Variants in SPAG16 observed in about 807,000 individuals in gnomAD.
SPAG16 encodes sperm associated antigen 16, also known as sperm-associated antigen 16 protein.
Under a neutral mutation model 80.4 loss-of-function variants are expected in SPAG16, and 86 were observed. The ratio of observed to expected loss-of-function variants is 1.07; its 90% CI spans 0.90 to 1.28. SPAG16 has a LOEUF of 1.28. Among genes scored for constraint, SPAG16 ranks in the 50% most tolerant of loss-of-function variants. SPAG16 has a pLI of 0.00. For missense variants in SPAG16, 870 were observed against 765.3 expected, an observed-to-expected ratio of 1.14 and a Z score of -1.61; for synonymous variants, 294 against 265.9, an observed-to-expected ratio of 1.11 and a Z score of -1.03.
intron 9 of SPAG16, among the ~76,000 whole-genome samples, chr2:213,432,444 G>A (rs931040837): frequency 1.3e-5 from 2 of 151,898 alleles, no homozygotes; most frequent in Non-Finnish European, 2.9e-5. Context: ...AAAGATCACC[G>A]GAGACAACCA....
chr2:213,621,554 AGAGG>A (rs1443587951), intron 10 of SPAG16, among the ~76,000 whole-genome samples: 5 of 152,174 alleles, frequency 3.3e-5, no homozygotes, highest in African/African-American at 1.2e-4. Context: ...AAGGGTTGAT[AGAGG>A]GAGATAGGAA....
chr2:214,280,141 T>C (rs747048885), intron 15 of SPAG16, among the ~76,000 whole-genome samples: 10 of 152,126 alleles, frequency 6.6e-5, no homozygotes, highest in Non-Finnish European at 1.5e-5. Context: ...CAAATAGAGA[T>C]GATGTCGGTA....
intron 10 of SPAG16, among the ~76,000 whole-genome samples, chr2:213,680,165 G>A (rs755510971): frequency 1.3e-5 from 2 of 152,164 alleles, no homozygotes; most frequent in Admixed American, 6.5e-5. Flanking sequence ...ATGGGAGGAT[G>A]TGGTTGGCTT....
At chr2:214,057,178 C>CTTTTTTTT (rs36181178) in intron 13 of SPAG16, among the ~76,000 whole-genome samples, 1 of 144,540 alleles carries the variant, frequency 6.9e-6, no homozygotes. Flanking sequence ...TTTCAGTTTA[C>CTTTTTTTT]TTTTTTTTTT....
Position 213,323,422 on chromosome 2 carries a change from C to G in SPAG16, c.536+6066C>G, listed in dbSNP as rs149182596. Among the ~76,000 whole-genome samples the G allele has an allele frequency of 1.3e-3, 191 of 143,502 alleles. 4 individuals carry two copies. In the East Asian group the frequency reaches 0.029, roughly 21 times the overall value. 94.1% of individuals were successfully genotyped at this position (143,502 alleles called of 152,430 possible). The stretch of plus-strand genomic sequence containing the variant: ...TGCCACTGCACTCCAGCCTAGGCGA[C>G]AGAGCAAGACTCCGTCTCAAAAAAA... On this transcript the variant is annotated intron_variant, in intron 5 of 15. Coordinates refer to ENST00000331683, the MANE Select transcript of SPAG16 (RefSeq NM_024532.5).
chr2:214,227,008 T>C (rs1309199686), intron 15 of SPAG16, among the ~76,000 whole-genome samples: 1 of 152,130 alleles, frequency 6.6e-6, no homozygotes, highest in Admixed American at 6.6e-5. Context: ...CTCAAAGGCA[T>C]GACAATGTAC....
At chr2:213,772,139 C>T (rs1284254235) in intron 10 of SPAG16, among the ~76,000 whole-genome samples, 3 of 152,140 alleles carry the variant, frequency 2.0e-5, no homozygotes, top group Non-Finnish European at 4.4e-5. Flanking sequence ...TTGTAGTTCT[C>T]ATTGAAGAGG....
intron 10 of SPAG16, among the ~76,000 whole-genome samples, chr2:213,805,189 G>C (rs1241640441): frequency 6.6e-6 from 1 of 152,156 alleles, no homozygotes; most frequent in Non-Finnish European, 1.5e-5. Context: ...AGAGTTGTCT[G>C]ATATGAAAGA....
chr2:213,578,157 G>A (rs377056171), intron 10 of SPAG16, among the ~76,000 whole-genome samples: 2 of 152,046 alleles, frequency 1.3e-5, no homozygotes, highest in East Asian at 3.9e-4. Context: ...CATGACCACT[G>A]TAATCTGCCA....
rs2048871502 is a variant in SPAG16 at position 214,039,161 on chromosome 2, A to G, written c.1527+25084A>G. Among the ~76,000 whole-genome samples the G allele has an allele frequency of 1.3e-5, 2 of 152,248 alleles. 1 individual carries two copies. Among genetic ancestry groups the G allele is most frequent in the South Asian group, 4.1e-4 (2 of 4,822 alleles). On this transcript the variant is annotated intron_variant, in intron 13 of 15. Coordinates refer to ENST00000331683, the MANE Select transcript of SPAG16 (RefSeq NM_024532.5). Reference sequence around the variant, plus strand: ...TGAACTAGTTTACAGTCCCACCAACAGTGTAAAAGTGTTCCTATTTCTCCA... The same window carrying G: ...TGAACTAGTTTACAGTCCCACCAACGGTGTAAAAGTGTTCCTATTTCTCCA...
rs16850254 is a variant in SPAG16 at position 213,383,122 on chromosome 2, G to A, written c.942+8003G>A. On this transcript the variant is annotated intron_variant, in intron 9 of 15. Coordinates refer to ENST00000331683, the MANE Select transcript of SPAG16 (RefSeq NM_024532.5). Reference sequence around the variant, plus strand: ...CTGATTGAATTCTTGAGCAATGTTTGGACAGTAAGATTCTACTCCTGTCTC... The same window carrying A: ...CTGATTGAATTCTTGAGCAATGTTTAGACAGTAAGATTCTACTCCTGTCTC... 6.5e-3 allele frequency among the ~76,000 whole-genome samples: 989 copies of A among 152,060 alleles called. 16 individuals carry two copies. Among genetic ancestry groups the A allele is most frequent in the African/African-American group, 0.023 (939 of 41,476 alleles).
intron 6 of SPAG16, 24 bp from the exon 7 acceptor site, chr2:213,350,504 T>A (rs374140162): frequency 7.0e-6 from 9 of 1,283,456 alleles, no homozygotes; most frequent in Non-Finnish European, 8.7e-6. Context: ...CCCCTTAAGA[T>A]GCTATTGACT....
Position 214,288,883 on chromosome 2 carries a change from C to T in SPAG16, c.1721-121257C>T, listed in dbSNP as rs151220600. On this transcript the variant is annotated intron_variant, in intron 15 of 15. Coordinates refer to ENST00000331683, the MANE Select transcript of SPAG16 (RefSeq NM_024532.5). ...TCCCCGGTTCACGCCATTCTTCTGC[C>T]TCAGCCTCTCGAGCAGCTGGGACTA... 6.3e-3 allele frequency among the ~76,000 whole-genome samples: 957 copies of T among 152,164 alleles called. 6 individuals carry two copies. The highest frequency in any genetic ancestry group is 0.022 in the African/African-American group (896 of 41,522).
intron 13 of SPAG16, among the ~76,000 whole-genome samples, chr2:214,030,305 C>T (rs2048345572): frequency 6.6e-6 from 1 of 152,082 alleles, no homozygotes; most frequent in African/African-American, 2.4e-5. Context: ...AATAGAATTT[C>T]CTTCTTTTTA....
intron 10 of SPAG16, among the ~76,000 whole-genome samples, chr2:213,846,754 A>G (rs1249791651): frequency 3.3e-5 from 5 of 152,134 alleles, no homozygotes; most frequent in Non-Finnish European, 4.4e-5. Context: ...TCTGTTTTCT[A>G]TTGCTGCTAT....
chr2:213,374,916 C>T (rs1331130850), intron 8 of SPAG16, 94 bp from the exon 9 acceptor site: 5 of 766,500 alleles, frequency 6.5e-6, no homozygotes, highest in African/African-American at 5.5e-5. Flanking sequence ...AAAATACATG[C>T]ATCATTGAGG....
intron 12 of SPAG16, among the ~76,000 whole-genome samples, chr2:213,960,909 C>T (rs2044383085): frequency 6.6e-6 from 1 of 152,150 alleles, no homozygotes; most frequent in Non-Finnish European, 1.5e-5. Context: ...TGATTGGAAG[C>T]AGCAATCAGT....
chr2:213,584,762 G>A (rs1287712512), intron 10 of SPAG16, among the ~76,000 whole-genome samples: 2 of 152,112 alleles, frequency 1.3e-5, no homozygotes, highest in Non-Finnish European at 2.9e-5. Flanking sequence ...CATCAATATT[G>A]TTCACTGATG....
intron 10 of SPAG16, among the ~76,000 whole-genome samples, chr2:213,665,008 G>T (rs1164502847): frequency 6.6e-6 from 1 of 151,904 alleles, no homozygotes; most frequent in Non-Finnish European, 1.5e-5. Context: ...TGGATCTGTG[G>T]ACTTTGATTT....
Sources: gnomAD v4.1 joint callset for allele counts (sites outside exome capture counted in the v4.1 genomes callset) on GRCh38, gnomAD v4.1.1 for gene constraint, MANE v1.5 for transcripts, NCBI Gene and HGNC (gene_info 2026-07-23, HGNC 2026-07-21) for gene names.